The following CHST8 variants were observed in gnomAD, a reference collection of about 807,000 sequenced individuals.
CHST8 encodes carbohydrate sulfotransferase 8, also known as GALNAC-4-ST1.
CHST8 carries 10 observed loss-of-function variants against 15.0 expected under a neutral mutation model. That is an observed-to-expected ratio of 0.67 (90% CI 0.41 to 1.13). The LOEUF (loss-of-function observed/expected upper bound fraction) is 1.13, where lower values mean the gene tolerates loss of function less well. Ranked by LOEUF, CHST8 falls within the 50% of genes most tolerant of loss-of-function variation. CHST8 has a pLI of 0.00. For missense variants in CHST8, 634 were observed against 608.2 expected (o/e 1.04, Z -0.45); for synonymous variants, 259 against 256.6 (o/e 1.01, Z -0.09).
chr19:33,679,916 C>CT (rs1483860807), intron 2 of CHST8, among the ~76,000 whole-genome samples: 1 of 152,190 alleles, frequency 6.6e-6, no homozygotes, highest in Non-Finnish European at 1.5e-5. Context: ...TCACGCCCTT[C>CT]TCTGGGCAAC....
intron 1 of CHST8, among the ~76,000 whole-genome samples, chr19:33,659,578 T>C (rs1972558692): frequency 6.6e-6 from 1 of 152,128 alleles, no homozygotes; most frequent in Non-Finnish European, 1.5e-5. Flanking sequence ...CTCACACCTG[T>C]AATCCCTTTG....
chr19:33,707,520 T>A (rs951251809), intron 3 of CHST8, among the ~76,000 whole-genome samples: 22 of 152,244 alleles, frequency 1.4e-4, no homozygotes, highest in Non-Finnish European at 2.9e-5. Flanking sequence ...CTGTGTGGTC[T>A]ATCATATCTG....
At chr19:33,660,040 G>T (rs1337597177) in intron 1 of CHST8, among the ~76,000 whole-genome samples, 1 of 152,192 alleles carries the variant, frequency 6.6e-6, no homozygotes, top group African/African-American at 2.4e-5. Flanking sequence ...GCCCCTGAGG[G>T]GCTGCCCAGC....
At chr19:33,625,971 G>A (rs958962563) in intron 1 of CHST8, among the ~76,000 whole-genome samples, 21 of 152,294 alleles carry the variant, frequency 1.4e-4, no homozygotes, top group Admixed American at 9.2e-4. Flanking sequence ...TGGTGACAGC[G>A]TGGTGACAGT....
intron 3 of CHST8, among the ~76,000 whole-genome samples, chr19:33,768,603 C>T (rs1974901830): frequency 6.6e-6 from 1 of 152,018 alleles, no homozygotes; most frequent in Non-Finnish European, 1.5e-5. Context: ...AGGCATGCAC[C>T]ACCACACCCA....
intron 3 of CHST8, among the ~76,000 whole-genome samples, chr19:33,720,665 C>T (rs557716638): frequency 7.9e-5 from 12 of 152,380 alleles, no homozygotes; most frequent in African/African-American, 2.4e-4. Flanking sequence ...GCAGAGCACA[C>T]TGCTGAGAGC....
chr19:33,738,817 T>A (rs1974132133), intron 3 of CHST8, among the ~76,000 whole-genome samples: 1 of 152,166 alleles, frequency 6.6e-6, no homozygotes, highest in African/African-American at 2.4e-5. Flanking sequence ...CTTGAACTTC[T>A]GACCGTGGGT....
At chr19:33,747,310 T>A (rs1358571626) in intron 3 of CHST8, among the ~76,000 whole-genome samples, 1 of 152,136 alleles carries the variant, frequency 6.6e-6, no homozygotes, top group African/African-American at 2.4e-5. Flanking sequence ...GCTGCACCCG[T>A]CCTTAGAGAT....
intron 2 of CHST8, among the ~76,000 whole-genome samples, chr19:33,670,058 AC>A (rs1472603546): frequency 6.6e-6 from 1 of 152,228 alleles, no homozygotes; most frequent in Non-Finnish European, 1.5e-5. Context: ...GGGAAACCTT[AC>A]AGATATTTGC....
At chr19:33,701,894 C>T (rs1025895134) in intron 3 of CHST8, among the ~76,000 whole-genome samples, 9 of 152,340 alleles carry the variant, frequency 5.9e-5, no homozygotes, top group African/African-American at 2.2e-4. Flanking sequence ...GGATTTGACC[C>T]CAGATCTGCC....
intron 3 of CHST8, among the ~76,000 whole-genome samples, chr19:33,697,700 C>A (rs1458102719): frequency 1.3e-5 from 2 of 152,234 alleles, no homozygotes; most frequent in African/African-American, 4.8e-5. Context: ...ACCACACTGT[C>A]TGCCCAGCAC....
chr19:33,731,912 G>A (rs1019764227), intron 3 of CHST8, among the ~76,000 whole-genome samples: 1 of 152,146 alleles, frequency 6.6e-6, no homozygotes, highest in African/African-American at 2.4e-5. Context: ...GAAGCTCATG[G>A]ACTCAGGGAA....
chr19:33,713,718 G>C (rs150472372), intron 3 of CHST8, among the ~76,000 whole-genome samples: 1 of 152,132 alleles, frequency 6.6e-6, no homozygotes, highest in East Asian at 1.9e-4. Flanking sequence ...CTGCCACCAC[G>C]CCCGGCTAAT....
chr19:33,646,180 G>A (rs1972353882), intron 1 of CHST8, among the ~76,000 whole-genome samples: 1 of 152,258 alleles, frequency 6.6e-6, no homozygotes, highest in Admixed American at 6.5e-5. Context: ...GTAGTTGGGA[G>A]ATAAATTCTT....
intron 1 of CHST8, among the ~76,000 whole-genome samples, chr19:33,656,627 C>G (rs995939531): frequency 6.6e-6 from 1 of 152,064 alleles, no homozygotes; most frequent in African/African-American, 2.4e-5. Context: ...CCTTGAAATC[C>G]AGGGCTCAGG....
At chr19:33,721,129 C>A (rs564591580) in intron 3 of CHST8, among the ~76,000 whole-genome samples, 11 of 152,326 alleles carry the variant, frequency 7.2e-5, no homozygotes, top group African/African-American at 2.6e-4. Context: ...CAACTGGACC[C>A]AACCAGAAAG....
intron 3 of CHST8, among the ~76,000 whole-genome samples, chr19:33,746,318 C>T (rs962998557): frequency 9.2e-5 from 14 of 152,156 alleles, no homozygotes; most frequent in Non-Finnish European, 4.4e-5. Flanking sequence ...TTTCCCCCAC[C>T]CCAGAACATT....
chr19:33,678,523 C>T (rs1257122316), intron 2 of CHST8, among the ~76,000 whole-genome samples: 1 of 152,138 alleles, frequency 6.6e-6, no homozygotes, highest in Non-Finnish European at 1.5e-5. Context: ...AAGAGGATTA[C>T]TGGAGGCCAG....
At chr19:33,686,040 T>C (rs900922973) in intron 2 of CHST8, among the ~76,000 whole-genome samples, 1 of 152,150 alleles carries the variant, frequency 6.6e-6, no homozygotes, top group Non-Finnish European at 1.5e-5. Context: ...TGGTCCCCAG[T>C]GAGAACAAAC....
Sources: gnomAD v4.1 joint callset for allele counts (sites outside exome capture counted in the v4.1 genomes callset) on GRCh38, gnomAD v4.1.1 for gene constraint, MANE v1.5 for transcripts, NCBI Gene and HGNC (gene_info 2026-07-23, HGNC 2026-07-21) for gene names.